The following COL24A1 variants were observed in gnomAD, a reference collection of about 807,000 sequenced individuals.
The protein encoded by COL24A1 is collagen alpha-1(XXIV) chain.
In COL24A1, 224 loss-of-function variants were observed where a neutral mutation model predicts 253.9. The ratio of observed to expected loss-of-function variants is 0.88; its 90% CI spans 0.79 to 0.99. COL24A1 has a LOEUF of 0.99. Among genes scored for constraint, COL24A1 ranks in the 50% least tolerant of loss-of-function variants. The pLI is 0.00. For synonymous variants in COL24A1, 685 were observed against 673.7 expected (o/e 1.02, Z -0.26); for missense variants, 2,131 against 2,068.5 (o/e 1.03, Z -0.59).
At chr1:86,137,780 G>T (rs1216336830) in intron 2 of COL24A1, among the ~76,000 whole-genome samples, 6 of 152,274 alleles carry the variant, frequency 3.9e-5, no homozygotes, top group African/African-American at 1.4e-4. Flanking sequence ...ATAGAAATGA[G>T]ATGTTTCAAA....
intron 12 of COL24A1, among the ~76,000 whole-genome samples, chr1:86,044,327 C>T (rs1466092188): frequency 6.6e-6 from 1 of 152,054 alleles, no homozygotes; most frequent in Non-Finnish European, 1.5e-5. Flanking sequence ...TCACCCTTGC[C>T]ATAAGTTGAC....
chr1:85,845,043 C>T (rs1377655494), intron 39 of COL24A1, among the ~76,000 whole-genome samples: 1 of 151,758 alleles, frequency 6.6e-6, no homozygotes, highest in African/African-American at 2.4e-5. Context: ...AAGAAATAGG[C>T]CTACTTTGCT....
Position 85,783,533 on chromosome 1 carries a change from A to G in COL24A1, c.4247T>C (p.Val1416Ala). ...PKGPEGDAGI[V>A]GISGPKGPIG... ...AGGACCTTTAGGACCTGATATCCCA[A>G]CAATGCCAGCATCCCCTTCAGGACC... Residue 1416 changes from valine (V) to alanine (A), a missense_variant, in exon 51 of 60, where the codon GTT (valine) becomes GCT (alanine). Val to Ala is a moderately conservative substitution (Grantham distance 64). Transcript: ENST00000370571. The G allele has an allele frequency of 2.5e-6, 4 of 1,613,498 alleles. No homozygotes were observed. The highest frequency in any genetic ancestry group is 3.4e-6 in the Non-Finnish European group (4 of 1,179,600).
At position 85,896,085 on chromosome 1, in the gene COL24A1, A is replaced by T. The variant is rs200480535; in HGVS notation, c.2833-20T>A. 4.7e-4 allele frequency: 763 copies of T among 1,610,870 alleles called. No homozygotes were observed. Among genetic ancestry groups the T allele is most frequent in the Non-Finnish European group, 4.8e-4 (567 of 1,178,744 alleles). On this transcript the variant is annotated intron_variant, in intron 29 of 59. Transcript: ENST00000370571. ...TTCACCCTAACAAAGTATCAAAGCC[A>T]GGTGAGTTAGTAAGAATGTGAATTA...
In COL24A1 at chr1:85,897,486, G is replaced by A. The variant is rs539696398; in HGVS notation, c.2779-1077C>T. On this transcript the variant is annotated intron_variant, in intron 28 of 59. Transcript: ENST00000370571. ...GAAAGAAAGAAAATGAGTGCTGACTGCATTGTACCTGCTATGCAACTGCTT... is the reference window on the plus strand; with the variant it reads ...GAAAGAAAGAAAATGAGTGCTGACTACATTGTACCTGCTATGCAACTGCTT... 2.6e-5 allele frequency among the ~76,000 whole-genome samples: 4 copies of A among 152,148 alleles called. No individual in the cohort carries two copies. The South Asian group carries it at 8.3e-4, about 32-fold the overall frequency.
Position 86,112,638 on chromosome 1 carries a change from A to G in COL24A1, c.1546-18T>C. 3 of 1,612,086 alleles carry G rather than the reference A, an allele frequency of 1.9e-6. No homozygotes were observed. The highest frequency in any genetic ancestry group is 1.1e-5 in the South Asian group (1 of 90,830). ...GGTATGCCCTGCAAGTAACGAAAAA[A>G]GTCATCATTCTTGGAACATACTGGA... On this transcript the variant is annotated intron_variant, in intron 4 of 59. Coordinates refer to ENST00000370571, the MANE Select transcript of COL24A1 (RefSeq NM_152890.7).
intron 43 of COL24A1, among the ~76,000 whole-genome samples, chr1:85,834,375 G>T (rs765975186): frequency 6.6e-6 from 1 of 152,080 alleles, no homozygotes; most frequent in Non-Finnish European, 1.5e-5. Context: ...TACTGGTTTA[G>T]ACATCTGAAT....
At chr1:85,885,174 C>T (rs12739200) in intron 32 of COL24A1, among the ~76,000 whole-genome samples, 29,921 of 147,572 alleles carry the variant, frequency 0.2, 3,321 homozygotes, top group Non-Finnish European at 0.24. Flanking sequence ...TTCCAAATTC[C>T]TTACATTTCA....
At chr1:86,117,665 T>C (rs1706283362) in intron 3 of COL24A1, among the ~76,000 whole-genome samples, 1 of 152,210 alleles carries the variant, frequency 6.6e-6, no homozygotes, top group Admixed American at 6.5e-5. Context: ...TTTTACAACA[T>C]AGTATTAATA....
intron 20 of COL24A1, among the ~76,000 whole-genome samples, chr1:85,976,285 C>G (rs647977): frequency 0.26 from 38,893 of 152,056 alleles, 5,067 homozygotes; most frequent in Non-Finnish European, 0.28. Context: ...TACCTGGAGA[C>G]AAACTCAGTG....
intron 35 of COL24A1, among the ~76,000 whole-genome samples, chr1:85,871,145 C>A (rs1680429643): frequency 6.6e-6 from 1 of 152,078 alleles, no homozygotes; most frequent in Non-Finnish European, 1.5e-5. Flanking sequence ...AAGACTAAGC[C>A]AGGAAGAAGT....
intron 5 of COL24A1, among the ~76,000 whole-genome samples, chr1:86,096,303 G>A (rs947423173): frequency 7.2e-5 from 11 of 152,086 alleles, no homozygotes; most frequent in African/African-American, 2.7e-4. Flanking sequence ...AAAATTCAGA[G>A]TAGGAATGAA....
chr1:85,824,666 C>T (rs1674029335), intron 43 of COL24A1, among the ~76,000 whole-genome samples: 1 of 152,110 alleles, frequency 6.6e-6, no homozygotes, highest in South Asian at 2.1e-4. Context: ...GCTGACCTAC[C>T]ACATTTCCCT....
At chr1:85,963,780 A>G (rs923806882) in intron 23 of COL24A1, among the ~76,000 whole-genome samples, 1 of 152,176 alleles carries the variant, frequency 6.6e-6, no homozygotes, top group Admixed American at 6.6e-5. Context: ...GAGAGAAAGT[A>G]TATACATAAA....
At chr1:86,016,934 C>A (rs1246941950) in intron 19 of COL24A1, among the ~76,000 whole-genome samples, 3 of 152,130 alleles carry the variant, frequency 2.0e-5, no homozygotes, top group African/African-American at 7.2e-5. Flanking sequence ...TGATCCTAAT[C>A]AGTGTGAAAA....
intron 16 of COL24A1, 120 bp downstream of exon 16, chr1:86,022,713 A>AT: frequency 8.0e-7 from 1 of 1,255,270 alleles, no homozygotes; most frequent in African/African-American, 1.5e-5. Flanking sequence ...AGGAAAACTA[A>AT]TATAATTGAT....
chr1:85,735,133 G>A (rs1237239462), intron 58 of COL24A1, among the ~76,000 whole-genome samples, 169 bp from the exon 59 acceptor site: 1 of 152,122 alleles, frequency 6.6e-6, no homozygotes, highest in Non-Finnish European at 1.5e-5. Context: ...ACTGCTTCTT[G>A]GAGGAAAAAC....
chr1:85,867,455 C>A (rs1262179946), intron 37 of COL24A1, among the ~76,000 whole-genome samples: 1 of 152,136 alleles, frequency 6.6e-6, no homozygotes, highest in Non-Finnish European at 1.5e-5. Context: ...TGCTTAAATG[C>A]TGTAATCTTT....
At chr1:85,761,628 G>A in intron 53 of COL24A1, 62 bp from the exon 54 acceptor site, 1 of 1,528,264 alleles carries the variant, frequency 6.5e-7, no homozygotes, top group African/African-American at 1.4e-5. Flanking sequence ...GTATAAGCAA[G>A]ATAACTAATA....
Sources: gnomAD v4.1 joint callset for allele counts (sites outside exome capture counted in the v4.1 genomes callset) on GRCh38, gnomAD v4.1.1 for gene constraint, MANE v1.5 for transcripts, NCBI Gene and HGNC (gene_info 2026-07-23, HGNC 2026-07-21) for gene names.